SGCD: variants seen among roughly 807,000 people sequenced by gnomAD.
The protein encoded by SGCD is sarcoglycan delta, also known as delta-sarcoglycan.
In SGCD, 18 loss-of-function variants were observed where a neutral mutation model predicts 36.6. That is an observed-to-expected ratio of 0.49 (90% CI 0.34 to 0.73). The LOEUF is 0.73. SGCD is among the 30% of genes least tolerant of loss of function. The pLI is 0.01. For missense variants in SGCD, 387 were observed against 346.7 expected (o/e 1.12, Z -0.92); for synonymous variants, 133 against 130.6 (o/e 1.02, Z -0.12).
At chr5:156,582,576 G>A (rs1193869467) in intron 4 of SGCD, among the ~76,000 whole-genome samples, 1 of 152,164 alleles carries the variant, frequency 6.6e-6, no homozygotes, top group East Asian at 1.9e-4. Context: ...TCTTAGCCAA[G>A]GCATCCCAGT....
At chr5:156,618,914 T>C (rs1762127718) in intron 6 of SGCD, among the ~76,000 whole-genome samples, 1 of 152,130 alleles carries the variant, frequency 6.6e-6, no homozygotes, top group Admixed American at 6.5e-5. Flanking sequence ...CCCTCGGTGG[T>C]GCTCAGGGAG....
At chr5:155,815,125 T>C in the SGCD span, among the ~76,000 whole-genome samples, 1 of 152,186 alleles carries the variant, frequency 6.6e-6, no homozygotes, top group East Asian at 1.9e-4. Context: ...GACATATCTG[T>C]GTTGTTGTAT....
intron 1 of SGCD, among the ~76,000 whole-genome samples, chr5:156,082,601 CCA>C (rs1314582214): frequency 2.0e-5 from 3 of 152,140 alleles, no homozygotes; most frequent in Admixed American, 6.5e-5. Context: ...ATGGTATATA[CCA>C]CAGTTTGCTT....
intron 1 of SGCD, among the ~76,000 whole-genome samples, chr5:156,101,774 A>G (rs917593215): frequency 1.3e-5 from 2 of 152,202 alleles, no homozygotes; most frequent in East Asian, 1.9e-4. Context: ...TTTTTCAGTC[A>G]GATAGAAAAT....
intron 7 of SGCD, among the ~76,000 whole-genome samples, chr5:156,683,870 T>G (rs1358293109): frequency 6.6e-6 from 1 of 152,218 alleles, no homozygotes; most frequent in African/African-American, 2.4e-5. Context: ...TCTAATGGAA[T>G]GACATAGCTA....
intron 1 of SGCD, among the ~76,000 whole-genome samples, chr5:156,021,296 T>C (rs1220801367): frequency 6.6e-6 from 1 of 152,236 alleles, no homozygotes; most frequent in Admixed American, 6.5e-5. Context: ...ATGTATTGTA[T>C]GACAGGTGCT....
At chr5:156,668,748 T>A (rs1042263167) in intron 7 of SGCD, among the ~76,000 whole-genome samples, 1 of 152,170 alleles carries the variant, frequency 6.6e-6, no homozygotes, top group African/African-American at 2.4e-5. Flanking sequence ...TTCTGTTATC[T>A]GGTGGAGTGT....
At chr5:156,294,381 G>A (rs1023164181) in intron 3 of SGCD, among the ~76,000 whole-genome samples, 2 of 152,100 alleles carry the variant, frequency 1.3e-5, no homozygotes, top group African/African-American at 4.8e-5. Flanking sequence ...AGGATCACTT[G>A]AGGTTCGGAG....
intron 3 of SGCD, among the ~76,000 whole-genome samples, chr5:156,378,443 A>G (rs1048429757): frequency 1.3e-5 from 2 of 152,150 alleles, no homozygotes; most frequent in Admixed American, 1.3e-4. Flanking sequence ...AATGTTCTTA[A>G]TACTATTGAA....
chr5:156,141,074 A>G (rs185186481), intron 3 of SGCD, among the ~76,000 whole-genome samples: 118 of 152,304 alleles, frequency 7.7e-4, no homozygotes, highest in Non-Finnish European at 1.4e-3. Context: ...ACTCCACTCC[A>G]GAAGGTATAA....
At chr5:156,594,832 A>C (rs113477341) in intron 5 of SGCD, 100 bp from the exon 6 acceptor site, 22 of 774,840 alleles carry the variant, frequency 2.8e-5, no homozygotes, top group Non-Finnish European at 4.3e-5. Flanking sequence ...TGTGTGTTCT[A>C]TGAAAAGCTT....
At chr5:156,252,170 C>A (rs1438382830) in intron 3 of SGCD, among the ~76,000 whole-genome samples, 1 of 151,914 alleles carries the variant, frequency 6.6e-6, no homozygotes, top group Non-Finnish European at 1.5e-5. Context: ...CGGGTTCAAG[C>A]CATTCTTCTG....
At chr5:156,198,606 G>A (rs530097673) in intron 3 of SGCD, among the ~76,000 whole-genome samples, 1 of 152,088 alleles carries the variant, frequency 6.6e-6, no homozygotes, top group African/African-American at 2.4e-5. Flanking sequence ...TCTTAAAAAT[G>A]GCTCTGTGTG....
the SGCD span, among the ~76,000 whole-genome samples, chr5:155,766,823 A>G: frequency 6.6e-6 from 1 of 152,126 alleles, no homozygotes; most frequent in African/African-American, 2.4e-5. Context: ...GTCCAGGGTC[A>G]CAGAACAGTG....
At chr5:156,645,050 T>G (rs1763178000) in intron 6 of SGCD, among the ~76,000 whole-genome samples, 1 of 152,138 alleles carries the variant, frequency 6.6e-6, no homozygotes, top group Non-Finnish European at 1.5e-5. Context: ...TATAAGTTCC[T>G]GATTGATTCT....
At chr5:155,989,347 T>C (rs917406522) in intron 1 of SGCD, among the ~76,000 whole-genome samples, 2 of 152,206 alleles carry the variant, frequency 1.3e-5, no homozygotes, top group African/African-American at 2.4e-5. Flanking sequence ...TCATGAGTTA[T>C]GACATATTCT....
At chr5:155,810,794 GCTTTTTTTTTTTTTTT>G in the SGCD span, among the ~76,000 whole-genome samples, 1 of 67,528 alleles carries the variant, frequency 1.5e-5, no homozygotes, top group Non-Finnish European at 2.7e-5. Context: ...TTTAGTGTCT[GCTTTTTTTTTTTTTTT>G]TTTTTTTTTT....
chr5:156,601,087 T>C (rs1761171675), intron 6 of SGCD, among the ~76,000 whole-genome samples: 1 of 152,204 alleles, frequency 6.6e-6, no homozygotes, highest in East Asian at 1.9e-4. Flanking sequence ...TTTTCTTCCA[T>C]GTAGTTGGTT....
chr5:156,252,097 G>A lies in SGCD; in HGVS notation c.-43-77437G>A, dbSNP rs530307475. 1.8e-4 allele frequency among the ~76,000 whole-genome samples: 27 copies of A among 148,606 alleles called. 1 individual carries two copies. The highest frequency in any genetic ancestry group is 5.8e-4 in the African/African-American group (23 of 39,952). On this transcript the variant is annotated intron_variant, in intron 3 of 9. Transcript: ENST00000517913. The stretch of plus-strand genomic sequence containing the variant: ...TCTTTTTTTTTTGAGACGGAGTTTC[G>A]CTCTTGTTTCCCAGACTGGAGTGCA...
Sources: allele counts gnomAD v4.1 joint callset (sites outside exome capture counted in the v4.1 genomes callset), GRCh38; gene constraint gnomAD v4.1.1; transcripts MANE v1.5; gene names NCBI Gene and HGNC (gene_info 2026-07-23, HGNC 2026-07-21).